MMD2: variants seen among roughly 807,000 people sequenced by gnomAD.
The protein encoded by MMD2 is monocyte to macrophage differentiation factor 2.
A neutral mutation model predicts 33.5 loss-of-function variants in MMD2; 30 were observed. The ratio of observed to expected loss-of-function variants is 0.90; its 90% CI spans 0.67 to 1.22. The LOEUF (loss-of-function observed/expected upper bound fraction) is 1.22. MMD2 is among the 50% of genes most tolerant of loss of function. The pLI is 0.00. For missense variants in MMD2, 364 were observed against 325.4 expected, an observed-to-expected ratio of 1.12 and a Z score of -0.91; for synonymous variants, 129 against 123.0, an observed-to-expected ratio of 1.05 and a Z score of -0.32.
At chr7:4,942,907 C>T (rs1289237149) in intron 1 of MMD2, among the ~76,000 whole-genome samples, 5 of 151,708 alleles carry the variant, frequency 3.3e-5, no homozygotes, top group African/African-American at 1.2e-4. Context: ...TGAGCCACCG[C>T]GCCAGGCCCC....
chr7:4,895,162 C>G, the MMD2 span, among the ~76,000 whole-genome samples: 112 of 151,926 alleles, frequency 7.4e-4, 2 homozygotes, highest in Non-Finnish European at 2.6e-4. Flanking sequence ...ACTGCAACCT[C>G]CGCTCCCAGG....
intron 1 of MMD2, among the ~76,000 whole-genome samples, chr7:4,927,789 A>C (rs192020902): frequency 3.3e-5 from 5 of 152,064 alleles, no homozygotes; most frequent in African/African-American, 1.2e-4. Flanking sequence ...AAGCGTTATC[A>C]CCTCTGTTTA....
intron 3 of MMD2, among the ~76,000 whole-genome samples, chr7:4,918,286 T>G (rs778326322): frequency 1.2e-4 from 19 of 152,214 alleles, no homozygotes; most frequent in Non-Finnish European, 2.8e-4. Flanking sequence ...ACTGTGGCTC[T>G]GTCTAGCAAA....
At chr7:4,944,569 G>A (rs1785998874) in intron 1 of MMD2, among the ~76,000 whole-genome samples, 1 of 152,096 alleles carries the variant, frequency 6.6e-6, no homozygotes, top group Non-Finnish European at 1.5e-5. Context: ...AGGAGGACTT[G>A]GAATGGCCAT....
the MMD2 span, among the ~76,000 whole-genome samples, chr7:4,893,179 G>C: frequency 6.6e-6 from 1 of 151,898 alleles, no homozygotes; most frequent in Non-Finnish European, 1.5e-5. Flanking sequence ...TTGAGCAAAA[G>C]TGGTACCAGA....
chr7:4,925,422 A>C, intron 2 of MMD2, 29 bp downstream of exon 2: 4 of 1,462,838 alleles, frequency 2.7e-6, no homozygotes, highest in African/African-American at 1.5e-5. Flanking sequence ...TCCCCATCTC[A>C]GCCCTGAGCC....
chr7:4,953,281 C>G, intron 1 of MMD2, among the ~76,000 whole-genome samples: 1 of 151,746 alleles, frequency 6.6e-6, no homozygotes, highest in East Asian at 1.9e-4. Flanking sequence ...TCAGCACCGC[C>G]TGGCTACTTC....
chr7:4,935,521 A>T (rs948125649), intron 1 of MMD2, among the ~76,000 whole-genome samples: 4 of 151,848 alleles, frequency 2.6e-5, no homozygotes, highest in Admixed American at 6.6e-5. Flanking sequence ...ACAAAAAAAT[A>T]AAAAAATTAG....
chr7:4,910,673 G>A (rs1408455863), intron 5 of MMD2, among the ~76,000 whole-genome samples: 1 of 151,944 alleles, frequency 6.6e-6, no homozygotes, highest in Admixed American at 6.6e-5. Flanking sequence ...CTGTCGCCCA[G>A]GCTGGAGCGC....
chr7:4,898,934 G>C, the MMD2 span, among the ~76,000 whole-genome samples: 1 of 151,424 alleles, frequency 6.6e-6, no homozygotes, highest in Non-Finnish European at 1.5e-5. Context: ...AGGAAGGAAG[G>C]AAGGAAGCAA....
At position 4,907,550 on chromosome 7, in the gene MMD2, C is replaced by G; in HGVS notation, c.587G>C (p.Cys196Ser). Residue 196 changes from cysteine (C) to serine (S), a missense_variant, in exon 7 of 7, where the codon TGC becomes TCC. Physicochemically the swap from Cys to Ser is moderately radical, Grantham distance 112. Coordinates refer to ENST00000401401, the MANE Select transcript of MMD2 (RefSeq NM_198403.4). ...ACTCTTGAAGAAGACCATGCCCAGG[C>G]AGTAGAAGACCCCTCCGGTCACCAG... Reference protein sequence around the residue: ...WELVTGGVFYCLGMVFFKSDG... With the variant: ...WELVTGGVFYSLGMVFFKSDG... The G allele has an allele frequency of 6.2e-7, 1 of 1,613,452 alleles. No individual in the cohort carries two copies. The highest frequency in any genetic ancestry group is 8.5e-7 in the Non-Finnish European group (1 of 1,179,878).
At chr7:4,904,184 C>T (rs1033369206), downstream of MMD2, among the ~76,000 whole-genome samples, 77 of 152,294 alleles carry the variant, frequency 5.1e-4, no homozygotes, top group African/African-American at 1.4e-3. Flanking sequence ...CCACCCACCT[C>T]GGCCTCCCAA....
At chr7:4,919,265 C>T (rs1785215420) in intron 3 of MMD2, among the ~76,000 whole-genome samples, 1 of 152,118 alleles carries the variant, frequency 6.6e-6, no homozygotes, top group African/African-American at 2.4e-5. Flanking sequence ...TTCTCTTGGT[C>T]CTCTCAGAAG....
At chr7:4,909,626 G>A (rs1035309412) in intron 6 of MMD2, 2 of 647,050 alleles carry the variant, frequency 3.1e-6, no homozygotes, top group African/African-American at 3.7e-5. Flanking sequence ...TTTTAGAGAT[G>A]GGTCTTGCTA....
intron 2 of MMD2, among the ~76,000 whole-genome samples, chr7:4,921,572 G>A (rs1785285582): frequency 6.7e-6 from 1 of 148,264 alleles, no homozygotes; most frequent in African/African-American, 2.5e-5. Context: ...AGTGAGCTCA[G>A]ATCGCGCCAC....
intron 3 of MMD2, among the ~76,000 whole-genome samples, chr7:4,916,435 T>G (rs1785146762): frequency 7.3e-6 from 1 of 137,490 alleles, no homozygotes; most frequent in African/African-American, 2.8e-5. Context: ...CAGGCTGGAG[T>G]GCAGTGGCAC....
chr7:4,936,775 C>T (rs1462247358), intron 1 of MMD2, among the ~76,000 whole-genome samples: 6 of 151,966 alleles, frequency 3.9e-5, no homozygotes, highest in Non-Finnish European at 8.8e-5. Context: ...CAGTCTGTTA[C>T]CCAGGCTGGA....
chr7:4,910,550 T>G (rs1011814593), intron 5 of MMD2, among the ~76,000 whole-genome samples: 1 of 152,102 alleles, frequency 6.6e-6, no homozygotes, highest in East Asian at 1.9e-4. Flanking sequence ...GCTAATAATT[T>G]AGGTAGGGCA....
chr7:4,923,382 G>A (rs931380726), intron 2 of MMD2, among the ~76,000 whole-genome samples: 2 of 152,162 alleles, frequency 1.3e-5, no homozygotes, highest in Non-Finnish European at 1.5e-5. Flanking sequence ...GGGATTACAG[G>A]TGTGAGCCAC....
Sources: gnomAD v4.1 joint callset for allele counts (sites outside exome capture counted in the v4.1 genomes callset) on GRCh38, gnomAD v4.1.1 for gene constraint, MANE v1.5 for transcripts, NCBI Gene and HGNC (gene_info 2026-07-23, HGNC 2026-07-21) for gene names.